Variants in LPP observed in about 807,000 individuals in gnomAD.
LPP encodes the protein lipoma-preferred partner.
In LPP, 38 loss-of-function variants were observed where a neutral mutation model predicts 60.4. The ratio of observed to expected loss-of-function variants is 0.63; its 90% CI spans 0.49 to 0.83. The LOEUF (loss-of-function observed/expected upper bound fraction) is 0.83, where lower values mean the gene tolerates loss of function less well. LPP is among the 40% of genes least tolerant of loss of function. LPP has a pLI of 0.00. For synonymous variants in LPP, 328 were observed against 290.8 expected (o/e 1.13, Z -1.30); for missense variants, 902 against 783.6 (o/e 1.15, Z -1.80).
intron 6 of LPP, among the ~76,000 whole-genome samples, chr3:188,553,055 A>C (rs187112705): frequency 1.3e-5 from 2 of 152,276 alleles, no homozygotes; most frequent in East Asian, 3.9e-4. Context: ...AGTTATTCTG[A>C]TGGCCATAGA....
At chr3:188,776,839 G>A (rs895792147) in intron 9 of LPP, among the ~76,000 whole-genome samples, 5 of 152,120 alleles carry the variant, frequency 3.3e-5, no homozygotes, top group African/African-American at 1.2e-4. Flanking sequence ...CTGAAGCCCT[G>A]TAAGACTGTA....
chr3:188,594,801 TA>T (rs1839661553), intron 6 of LPP, among the ~76,000 whole-genome samples: 1 of 152,182 alleles, frequency 6.6e-6, no homozygotes, highest in Non-Finnish European at 1.5e-5. Flanking sequence ...GCTCATTTTA[TA>T]AAAGAAAATG....
intron 2 of LPP, among the ~76,000 whole-genome samples, chr3:188,311,522 CTAAACTAAAA>C (rs1407777179): frequency 1.4e-5 from 2 of 139,538 alleles, no homozygotes; most frequent in Admixed American, 7.0e-5. Context: ...CTAAACTAAA[CTAAACTAAAA>C]GTAAGATAAA....
chr3:188,503,283 A>G lies in LPP; in HGVS notation c.306+18579A>G, dbSNP rs796498998. Among the ~76,000 whole-genome samples the G allele has an allele frequency of 1.1e-4, 16 of 152,288 alleles. 1 individual carries two copies. The highest frequency in any genetic ancestry group is 3.8e-4 in the African/African-American group (16 of 41,592). On this transcript the variant is annotated intron_variant, in intron 5 of 11. Transcript: ENST00000617246. ...TCAGTTGTTGATGTAACAAAATTAC[A>G]TCTTTATACATTGTGTACACAACAA...
intron 3 of LPP, among the ~76,000 whole-genome samples, chr3:188,369,300 T>G (rs1040030107): frequency 6.6e-6 from 1 of 152,156 alleles, no homozygotes; most frequent in Non-Finnish European, 1.5e-5. Context: ...AAAGTTTTTT[T>G]TTTTTTAAAT....
At chr3:188,675,877 A>G (rs1197260026) in intron 7 of LPP, among the ~76,000 whole-genome samples, 1 of 152,194 alleles carries the variant, frequency 6.6e-6, no homozygotes, top group Non-Finnish European at 1.5e-5. Flanking sequence ...TCATGTCTTC[A>G]GAGTTCCTAA....
chr3:188,275,078 T>C (rs1739182469), intron 2 of LPP, among the ~76,000 whole-genome samples: 1 of 152,214 alleles, frequency 6.6e-6, no homozygotes, highest in African/African-American at 2.4e-5. Context: ...TCTATTTTAG[T>C]TCTACAGCAT....
chr3:188,824,087 G>A (rs1433340889), intron 9 of LPP, among the ~76,000 whole-genome samples: 6 of 152,120 alleles, frequency 3.9e-5, no homozygotes, highest in Admixed American at 6.6e-5. Flanking sequence ...AAAAATAACC[G>A]AGAGAGTTAT....
intron 8 of LPP, among the ~76,000 whole-genome samples, chr3:188,753,621 T>C (rs936004667): frequency 7.4e-6 from 1 of 134,978 alleles, no homozygotes; most frequent in African/African-American, 2.8e-5. Context: ...GTGTGTTTTG[T>C]TTTTTGTTTT....
chr3:188,529,897 C>T (rs568062626), intron 6 of LPP, among the ~76,000 whole-genome samples: 1 of 152,306 alleles, frequency 6.6e-6, no homozygotes, highest in African/African-American at 2.4e-5. Flanking sequence ...TCACGTAAAT[C>T]ACCACGTGTC....
intron 4 of LPP, among the ~76,000 whole-genome samples, chr3:188,473,749 A>C (rs552958604): frequency 6.6e-6 from 1 of 152,290 alleles, no homozygotes; most frequent in South Asian, 2.1e-4. Flanking sequence ...TTAAAAAGCA[A>C]ATTTAAATGT....
chr3:188,243,521 A>T (rs1398351002), intron 2 of LPP, among the ~76,000 whole-genome samples: 2 of 152,180 alleles, frequency 1.3e-5, no homozygotes, highest in South Asian at 2.1e-4. Flanking sequence ...CTGCGAAATA[A>T]ATCGTTTCTT....
At chr3:188,749,303 G>T (rs567370458) in intron 8 of LPP, among the ~76,000 whole-genome samples, 1 of 152,130 alleles carries the variant, frequency 6.6e-6, no homozygotes. Flanking sequence ...AAGGCTCTCA[G>T]GTCTCATCTC....
intron 3 of LPP, among the ~76,000 whole-genome samples, chr3:188,371,641 A>ATTTTTTTTTTTT (rs1158606459): frequency 3.1e-5 from 1 of 32,166 alleles, no homozygotes; most frequent in African/African-American, 1.2e-4. Context: ...ATATATATAT[A>ATTTTTTTTTTTT]TTTTTTTTTT....
rs1577377516 is a variant in LPP at position 188,758,496 on chromosome 3, T to C, written c.1241-1617T>C. The stretch of plus-strand genomic sequence containing the variant: ...TTATTCCTTAGGAAAAAAACTAAGA[T>C]GTATACTTTGGGTTATATTTAAAGT... On this transcript the variant is annotated intron_variant, in intron 8 of 11. Coordinates refer to ENST00000617246, the MANE Select transcript of LPP (RefSeq NM_001375462.1). 2.0e-5 allele frequency among the ~76,000 whole-genome samples: 3 copies of C among 152,278 alleles called. No homozygotes were observed. In the South Asian group the frequency reaches 6.2e-4, roughly 32 times the overall value.
rs530653478 is a variant in LPP, at chr3:188,276,113, A to G, written c.-67+50586A>G. Among the ~76,000 whole-genome samples, 5 of 152,350 alleles carry G rather than the reference A, an allele frequency of 3.3e-5. No individual in the cohort carries two copies. The East Asian group carries it at 9.6e-4, about 29-fold the overall frequency. On this transcript the variant is annotated intron_variant, in intron 2 of 11. Coordinates refer to ENST00000617246, the MANE Select transcript of LPP (RefSeq NM_001375462.1). ...CTTTAAATAAATAAACACAGCAAACAAAAAACACAACAGCTCTTTCATTCT... is the reference window on the plus strand; with the variant it reads ...CTTTAAATAAATAAACACAGCAAACGAAAAACACAACAGCTCTTTCATTCT...
At chr3:188,858,874 G>C (rs1239250773) in intron 9 of LPP, among the ~76,000 whole-genome samples, 1 of 152,032 alleles carries the variant, frequency 6.6e-6, no homozygotes, top group Non-Finnish European at 1.5e-5. Context: ...CGGATCACCT[G>C]AGCTCACGAG....
intron 4 of LPP, among the ~76,000 whole-genome samples, chr3:188,432,325 T>A (rs752204961): frequency 6.6e-6 from 1 of 152,156 alleles, no homozygotes; most frequent in African/African-American, 2.4e-5. Flanking sequence ...GAGCTACCGA[T>A]ATCTACTATA....
intron 5 of LPP, among the ~76,000 whole-genome samples, chr3:188,486,523 A>G (rs1217728742): frequency 6.6e-6 from 1 of 152,172 alleles, no homozygotes; most frequent in African/African-American, 2.4e-5. Flanking sequence ...GCGACGCTTA[A>G]ATGAGGACTT....
Sources: allele counts gnomAD v4.1 joint callset (sites outside exome capture counted in the v4.1 genomes callset), GRCh38; gene constraint gnomAD v4.1.1; transcripts MANE v1.5; gene names NCBI Gene and HGNC (gene_info 2026-07-23, HGNC 2026-07-21).